Variants in CHUK observed in about 807,000 individuals in gnomAD.
CHUK encodes component of inhibitor of nuclear factor kappa B kinase complex, also known as inhibitor of nuclear factor kappa-B kinase subunit alpha.
A neutral mutation model predicts 104.8 loss-of-function variants in CHUK; 35 were observed. The ratio of observed to expected loss-of-function variants is 0.33; its 90% CI spans 0.26 to 0.44. The LOEUF is 0.44. Ranked by LOEUF, CHUK falls within the 20% of genes least tolerant of loss-of-function variation. The probability of loss-of-function intolerance (pLI) is 1.00; values close to 1 mark genes in which losing one functional copy is unlikely to be tolerated. For synonymous variants in CHUK, 276 were observed against 291.9 expected (o/e 0.95, Z 0.56); for missense variants, 663 against 902.7 (o/e 0.73, Z 3.40).
In CHUK at chr10:100,189,492, C is replaced by T. The variant is rs371833432; in HGVS notation, c.*106G>A. On this transcript the variant is annotated 3_prime_UTR_variant, in exon 21 of 21. Transcript: ENST00000370397. ...ATGTAGTTTCTGTTCATAGCCATTT[C>T]TTCCATTGACTGATGTCTGAAGAAT... 5.5e-4 allele frequency: 477 copies of T among 862,402 alleles called. 4 individuals carry two copies. The African/African-American group carries it at 7.1e-3, about 13-fold the overall frequency. The allele number at this position is 862,402 out of a possible 1,614,324, so 53.4% of individuals were successfully genotyped here. A position where few individuals can be genotyped will look rare whatever the true frequency, so the allele number is the denominator to read the frequency against.
chr10:100,219,385 T>C, intron 5 of CHUK, 26 bp from the exon 6 acceptor site: 1 of 1,202,890 alleles, frequency 8.3e-7, no homozygotes, highest in Non-Finnish European at 1.2e-6. Flanking sequence ...ACAGATTAAG[T>C]ATTAAATGGT....
At chr10:100,194,611 T>A in intron 16 of CHUK, 90 bp from the exon 17 acceptor site, 1 of 749,250 alleles carries the variant, frequency 1.3e-6, no homozygotes. Flanking sequence ...CCTGAAACTC[T>A]GAAACTAATT....
chr10:100,204,378 T>C, intron 13 of CHUK, 128 bp downstream of exon 13: 3 of 785,962 alleles, frequency 3.8e-6, no homozygotes, highest in Non-Finnish European at 6.7e-6. Flanking sequence ...TTTATGTTAA[T>C]TTAAGTTGTC....
intron 15 of CHUK, 55 bp from the exon 16 acceptor site, chr10:100,200,075 A>T: frequency 1.6e-6 from 2 of 1,244,642 alleles, no homozygotes; most frequent in Non-Finnish European, 2.4e-6. Flanking sequence ...GACTTCAATA[A>T]TCTACAACTT....
chr10:100,222,157 A>G lies in CHUK; in HGVS notation c.340T>C (p.Cys114Arg). 1 of 1,600,952 alleles carries G rather than the reference A, an allele frequency of 6.2e-7. No individual in the cohort carries two copies. Among genetic ancestry groups the G allele is most frequent in the Non-Finnish European group, 8.6e-7 (1 of 1,169,522 alleles). Reference protein sequence around the residue: ...RKLLNKPENCCGLKESQILSL... With the variant: ...RKLLNKPENCRGLKESQILSL... ...AGTATCTGGCTTTCTTTAAGTCCAC[A>G]ACAATTTTCTGGTTTGTTGAGCAGC... The change falls in exon 4 of 21, where the codon TGT (cysteine) becomes CGT (arginine). Residue 114 changes from cysteine (C) to arginine (R), a missense_variant. Around this residue, in one of 5 missense-constraint regions of CHUK, gnomAD observed 200 missense variants for 333.0 expected, o/e 0.60. Transcript: ENST00000370397.
intron 1 of CHUK, among the ~76,000 whole-genome samples, chr10:100,226,730 CA>C (rs968387716): frequency 6.6e-6 from 1 of 152,194 alleles, no homozygotes; most frequent in African/African-American, 2.4e-5. Context: ...TCTGATATCA[CA>C]AGGAGAGTTC....
In CHUK at chr10:100,210,064, G is replaced by GTTATTTAT. The variant is rs1190793682; in HGVS notation, c.934-283_934-276dup. Among the ~76,000 whole-genome samples the GTTATTTAT allele has an allele frequency of 1.5e-3, 219 of 142,662 alleles. 2 individuals carry two copies. Among genetic ancestry groups the GTTATTTAT allele is most frequent in the Middle Eastern group, 3.4e-3 (1 of 290 alleles). 93.6% of individuals were successfully genotyped at this position (142,662 alleles called of 152,430 possible). A position where few individuals can be genotyped will look rare whatever the true frequency, so the allele number is the denominator to read the frequency against. ...GAAAAATCCCAATTTGAAAGAACAA[G>GTTATTTAT]TTATTTATTTATTTATTTATTTATT... On this transcript the variant is annotated intron_variant, in intron 9 of 20. Coordinates refer to ENST00000370397, the MANE Select transcript of CHUK (RefSeq NM_001278.5).
rs1045325332 is a variant in CHUK, at chr10:100,226,505, G to GA, written c.106-489dup. The stretch of plus-strand genomic sequence containing the variant: ...ATGTATGCATTTCAAATGACATGAA[G>GA]AAAAAAAATCCTACCAATGAGTGTA... On this transcript the variant is annotated intron_variant, in intron 1 of 20. Transcript: ENST00000370397. Among the ~76,000 whole-genome samples, 3 of 151,980 alleles carry GA rather than the reference G, an allele frequency of 2.0e-5. No individual in the cohort carries two copies. In the East Asian group the frequency reaches 5.8e-4, roughly 29 times the overall value.
At chr10:100,218,162 A>G in intron 8 of CHUK, 32 bp from the exon 9 acceptor site, 2 of 1,584,382 alleles carry the variant, frequency 1.3e-6, no homozygotes, top group Non-Finnish European at 1.7e-6. Context: ...GTGAAAATCA[A>G]ATCATTATGT....
chr10:100,205,136 T>C lies in CHUK; in HGVS notation c.1295A>G (p.His432Arg), dbSNP rs1845560676. 1 of 1,614,000 alleles carries C rather than the reference T, an allele frequency of 6.2e-7. No homozygotes were observed. The highest frequency in any genetic ancestry group is 1.3e-5 in the African/African-American group (1 of 75,066). ...QLRKVWAEAVHYVSGLKEDYS... is the reference protein window; with the variant it reads ...QLRKVWAEAVRYVSGLKEDYS... ...GTCTTCTTTTAGTCCAGACACATAGTGCACTGCTTCAGCCCACACTTTACG... is the reference window on the plus strand; with the variant it reads ...GTCTTCTTTTAGTCCAGACACATAGCGCACTGCTTCAGCCCACACTTTACG... Residue 432 changes from histidine (H) to arginine (R), a missense_variant, in exon 12 of 21, where the codon CAC (histidine) becomes CGC (arginine). Coordinates refer to ENST00000370397, the MANE Select transcript of CHUK (RefSeq NM_001278.5).
At chr10:100,220,921 A>G (rs1222048995) in intron 4 of CHUK, among the ~76,000 whole-genome samples, 1 of 152,192 alleles carries the variant, frequency 6.6e-6, no homozygotes, top group Non-Finnish European at 1.5e-5. Context: ...GAAATGCAAC[A>G]AGCAATTGGG....
At chr10:100,224,086 ACT>A (rs3884083) in intron 2 of CHUK, among the ~76,000 whole-genome samples, 167 of 147,874 alleles carry the variant, frequency 1.1e-3, no homozygotes, top group South Asian at 1.1e-3. Context: ...TCGCTCGTTC[ACT>A]CTCTCTCTCT....
At chr10:100,197,040 T>C (rs565889087) in intron 16 of CHUK, among the ~76,000 whole-genome samples, 3 of 152,308 alleles carry the variant, frequency 2.0e-5, no homozygotes, top group South Asian at 2.1e-4. Context: ...AAGTGCATCA[T>C]TGGGCACTTT....
intron 16 of CHUK, 145 bp from the exon 17 acceptor site, chr10:100,194,666 TA>T (rs1297926622): frequency 6.8e-6 from 4 of 584,952 alleles, no homozygotes; most frequent in Non-Finnish European, 1.2e-5. Context: ...TGGGTTAAGA[TA>T]AAAGATATAA....
chr10:100,189,857 A>T, intron 20 of CHUK, among the ~76,000 whole-genome samples: 1 of 144,480 alleles, frequency 6.9e-6, no homozygotes. Flanking sequence ...TTCTTAAGAG[A>T]GCAGGATCTT....
intron 9 of CHUK, among the ~76,000 whole-genome samples, chr10:100,216,340 A>T (rs1845854570): frequency 6.6e-6 from 1 of 152,254 alleles, no homozygotes; most frequent in Non-Finnish European, 1.5e-5. Flanking sequence ...AACCAAATCA[A>T]GAAGAAGCCA....
chr10:100,221,478 C>T (rs1207583484), intron 4 of CHUK, among the ~76,000 whole-genome samples: 3 of 151,938 alleles, frequency 2.0e-5, no homozygotes. Flanking sequence ...ACCCATCCCT[C>T]AAGGAGATGT....
At chr10:100,194,202 G>A in intron 17 of CHUK, 71 bp from the exon 18 acceptor site, 1 of 1,539,536 alleles carries the variant, frequency 6.5e-7, no homozygotes, top group East Asian at 2.2e-5. Context: ...CCAAAACCCA[G>A]CTGAGGAAAT....
chr10:100,217,808 C>T (rs917690918), intron 9 of CHUK, among the ~76,000 whole-genome samples, 187 bp downstream of exon 9: 1 of 152,076 alleles, frequency 6.6e-6, no homozygotes, highest in South Asian at 2.1e-4. Flanking sequence ...ACCTGGGAGG[C>T]GCAGGTTGCA....
Sources: allele counts gnomAD v4.1 joint callset (sites outside exome capture counted in the v4.1 genomes callset), GRCh38; gene constraint gnomAD v4.1.1; regional missense constraint gnomAD v4.1.1; transcripts MANE v1.5; gene names NCBI Gene and HGNC (gene_info 2026-07-23, HGNC 2026-07-21).